Variants in CHST12 observed in about 807,000 individuals in gnomAD.
CHST12 encodes carbohydrate (chondroitin 4) sulfotransferase 12.
CHST12 carries 23 observed loss-of-function variants against 27.9 expected under a neutral mutation model. The observed-to-expected ratio is 0.82, with a 90% CI of 0.59 to 1.17. CHST12 has a LOEUF of 1.17. Among genes scored for constraint, CHST12 ranks in the 50% most tolerant of loss-of-function variants. CHST12 has a pLI of 0.00. For missense variants in CHST12, 682 were observed against 603.0 expected (o/e 1.13, Z -1.37); for synonymous variants, 322 against 273.0 (o/e 1.18, Z -1.77).
intron 1 of CHST12, among the ~76,000 whole-genome samples, chr7:2,429,582 A>G (rs2115434241): frequency 6.6e-6 from 1 of 152,270 alleles, no homozygotes; most frequent in Middle Eastern, 3.4e-3. Context: ...TTTAATTAGT[A>G]TAGGATTATT....
chr7:2,437,042 C>T lies in CHST12; in HGVS notation c.*3158C>T, dbSNP rs1782491298. 1 of 152,244 alleles carries T rather than the reference C, an allele frequency of 6.6e-6. No homozygotes were observed. Among genetic ancestry groups the T allele is most frequent in the Admixed American group, 6.5e-5 (1 of 15,290 alleles). 9.4% of individuals were successfully genotyped at this position (152,244 alleles called of 1,614,324 possible). On this transcript the variant is annotated 3_prime_UTR_variant, in exon 2 of 2. Coordinates refer to ENST00000618655, the MANE Select transcript of CHST12 (RefSeq NM_018641.5). ...TTGCCTGATGCGCAGCACCACACTG[C>T]GTAGAGACCTTTGGCTCTGGTTTTT...
chr7:2,439,680 C>A lies in CHST12; in HGVS notation c.*5796C>A, dbSNP rs1326214290. ...GGATCACGAGGTCAGGAGATCAAGA[C>A]CATCCTGGATAACATGGTGAAACCC... On this transcript the variant is annotated 3_prime_UTR_variant, in exon 2 of 2. Transcript: ENST00000618655. 1 of 151,906 alleles carries A rather than the reference C, an allele frequency of 6.6e-6. No individual in the cohort carries two copies. Among genetic ancestry groups the A allele is most frequent in the Non-Finnish European group, 1.5e-5 (1 of 68,034 alleles). The allele number at this position is 151,906 out of a possible 1,614,324, so 9.4% of individuals were successfully genotyped here.
rs896663348 is a variant in CHST12 at position 2,448,022 on chromosome 7, C to T, written c.*14138C>T. The T allele has an allele frequency of 6.6e-6, 1 of 152,102 alleles. No homozygotes were observed. Among genetic ancestry groups the T allele is most frequent in the African/African-American group, 2.4e-5 (1 of 41,406 alleles). The allele number at this position is 152,102 out of a possible 1,614,324, so 9.4% of individuals were successfully genotyped here. Reference sequence around the variant, plus strand: ...AGCTGGGACTATAGGCACACACCACCATGCCCGGCTAATTTTTCTCTTTTT... The same window carrying T: ...AGCTGGGACTATAGGCACACACCACTATGCCCGGCTAATTTTTCTCTTTTT... On this transcript the variant is annotated 3_prime_UTR_variant, in exon 2 of 2. Transcript: ENST00000618655.
rs1270476319 is a variant in CHST12 at position 2,447,599 on chromosome 7, A to C, written c.*13715A>C. 1.3e-5 allele frequency: 2 copies of C among 152,066 alleles called. No individual in the cohort carries two copies. The highest frequency in any genetic ancestry group is 4.8e-5 in the African/African-American group (2 of 41,342). 9.4% of individuals were successfully genotyped at this position (152,066 alleles called of 1,614,324 possible). On this transcript the variant is annotated 3_prime_UTR_variant, in exon 2 of 2. Transcript: ENST00000618655. ...GCGATTTTCATGCCTCAGCTTCCCG[A>C]GTAGCTGGGATTACAGGCATGTGCC... is the stretch of plus-strand genomic sequence containing the variant.
intron 1 of CHST12, chr7:2,404,253 G>GC (rs1326753793): frequency 6.6e-6 from 1 of 152,330 alleles, no homozygotes; most frequent in Non-Finnish European, 1.5e-5. Context: ...AGAAGCCGCA[G>GC]CCCTGCCCCT....
At chr7:2,421,759 A>G (rs1036139395) in intron 1 of CHST12, among the ~76,000 whole-genome samples, 2 of 151,292 alleles carry the variant, frequency 1.3e-5, no homozygotes, top group African/African-American at 4.9e-5. Context: ...TTTTATAGAG[A>G]TAGGGTCTTG....
intron 1 of CHST12, among the ~76,000 whole-genome samples, chr7:2,425,708 C>G (rs937002004): frequency 7.4e-6 from 1 of 134,860 alleles, no homozygotes. Context: ...TTTTTTTTGT[C>G]TTTTGTCAAG....
rs963004865 is a variant in CHST12 at position 2,440,604 on chromosome 7, C to A, written c.*6720C>A. 6.6e-6 allele frequency: 1 copy of A among 152,090 alleles called. No individual in the cohort carries two copies. Among genetic ancestry groups the A allele is most frequent in the Non-Finnish European group, 1.5e-5 (1 of 68,062 alleles). The allele number at this position is 152,090 out of a possible 1,614,324, so 9.4% of individuals were successfully genotyped here. ...GAGAAGACAGAGTGGGCCTGTAGGG[C>A]CAGCCCGAGGTACCCACAGTGGAGG... is the stretch of plus-strand genomic sequence containing the variant. On this transcript the variant is annotated 3_prime_UTR_variant, in exon 2 of 2. Coordinates refer to ENST00000618655, the MANE Select transcript of CHST12 (RefSeq NM_018641.5).
Position 2,433,193 on chromosome 7 carries a change from T to C in CHST12, c.554T>C (p.Leu185Pro), listed in dbSNP as rs779187721. ...AACTGGAAGCGCGTGATGATCGTGC[T>C]GAGCGGAAGCCTGCTGCACCGCGGT... ...CTNWKRVMIV[L>P]SGSLLHRGAP... The change falls in exon 2 of 2, where the codon CTG becomes CCG. Residue 185 changes from leucine to proline, a missense_variant. By Grantham distance (98) the Leu-to-Pro change is moderately conservative. Coordinates refer to ENST00000618655, the MANE Select transcript of CHST12 (RefSeq NM_018641.5). The surrounding 1 kb of genome is among the most constrained non-coding windows in gnomAD (Gnocchi z 6.1). 6.2e-7 allele frequency: 1 copy of C among 1,612,982 alleles called. No individual in the cohort carries two copies. The highest frequency in any genetic ancestry group is 8.5e-7 in the Non-Finnish European group (1 of 1,179,614).
At chr7:2,416,782 A>G (rs73673832) in intron 1 of CHST12, among the ~76,000 whole-genome samples, 5 of 152,360 alleles carry the variant, frequency 3.3e-5, no homozygotes, top group African/African-American at 4.8e-5. Flanking sequence ...GGAGTAGGCA[A>G]TGAGGCCAGT....
rs1782729722 is a variant in CHST12, at chr7:2,445,497, C to G, written c.*11613C>G. 6.6e-6 allele frequency: 1 copy of G among 152,286 alleles called. No homozygotes were observed. 9.4% of individuals were successfully genotyped at this position (152,286 alleles called of 1,614,324 possible). Reference sequence around the variant, plus strand: ...TTGAGACGGAATCTCACTGTGTCGCCCAGGCTCACTGCAACCTATGCCTCC... The same window carrying G: ...TTGAGACGGAATCTCACTGTGTCGCGCAGGCTCACTGCAACCTATGCCTCC... On this transcript the variant is annotated 3_prime_UTR_variant, in exon 2 of 2. Coordinates refer to ENST00000618655, the MANE Select transcript of CHST12 (RefSeq NM_018641.5).
chr7:2,427,965 C>G (rs1234314703), intron 1 of CHST12, among the ~76,000 whole-genome samples: 2 of 151,762 alleles, frequency 1.3e-5, no homozygotes, highest in Non-Finnish European at 2.9e-5. Context: ...TACAGGCACC[C>G]GTCACCATGG....
chr7:2,425,496 C>G (rs554514672), intron 1 of CHST12, among the ~76,000 whole-genome samples: 1 of 152,202 alleles, frequency 6.6e-6, no homozygotes, highest in Non-Finnish European at 1.5e-5. Context: ...GAGATAGGAT[C>G]TGGCCTCTGA....
intron 1 of CHST12, among the ~76,000 whole-genome samples, chr7:2,410,697 G>T (rs1184810525): frequency 6.6e-6 from 1 of 152,100 alleles, no homozygotes; most frequent in Non-Finnish European, 1.5e-5. Context: ...CCCCAGCTGA[G>T]GGATGGTGGT....
In CHST12 at chr7:2,442,169, T is replaced by C. The variant is rs1050030426; in HGVS notation, c.*8285T>C. The C allele has an allele frequency of 6.6e-6, 1 of 152,208 alleles. No individual in the cohort carries two copies. Among genetic ancestry groups the C allele is most frequent in the Non-Finnish European group, 1.5e-5 (1 of 68,042 alleles). The allele number at this position is 152,208 out of a possible 1,614,324, so 9.4% of individuals were successfully genotyped here. On this transcript the variant is annotated 3_prime_UTR_variant, in exon 2 of 2. Transcript: ENST00000618655. Reference sequence around the variant, plus strand: ...TGTCCTTTTGTGTCTGGCTTCTTCATGTAGTATAATGTCTTCAAGGTTCAT... The same window carrying C: ...TGTCCTTTTGTGTCTGGCTTCTTCACGTAGTATAATGTCTTCAAGGTTCAT...
chr7:2,423,791 A>G (rs1468475920), intron 1 of CHST12, among the ~76,000 whole-genome samples: 2 of 152,202 alleles, frequency 1.3e-5, no homozygotes, highest in Non-Finnish European at 2.9e-5. Flanking sequence ...CCATTGAAAA[A>G]ATGAATTAAG....
rs900042008 is a variant in CHST12, at chr7:2,436,213, G to A, written c.*2329G>A. Reference sequence around the variant, plus strand: ...GTGTGGCATTAAGCACATTCGTATTGTCGTGCCACCACCACCATCATCTCC... The same window carrying A: ...GTGTGGCATTAAGCACATTCGTATTATCGTGCCACCACCACCATCATCTCC... On this transcript the variant is annotated 3_prime_UTR_variant, in exon 2 of 2. Coordinates refer to ENST00000618655, the MANE Select transcript of CHST12 (RefSeq NM_018641.5). 2.0e-5 allele frequency: 3 copies of A among 152,174 alleles called. No homozygotes were observed. The highest frequency in any genetic ancestry group is 4.4e-5 in the Non-Finnish European group (3 of 68,030). 9.4% of individuals were successfully genotyped at this position (152,174 alleles called of 1,614,324 possible).
At chr7:2,419,491 G>A (rs940554210) in intron 1 of CHST12, among the ~76,000 whole-genome samples, 1 of 151,604 alleles carries the variant, frequency 6.6e-6, no homozygotes, top group Middle Eastern at 3.4e-3. Context: ...TGGATTCCCT[G>A]AGGTCAGGAG....
At chr7:2,405,060 A>G (rs1781487808) in intron 1 of CHST12, among the ~76,000 whole-genome samples, 1 of 152,192 alleles carries the variant, frequency 6.6e-6, no homozygotes, top group Admixed American at 6.5e-5. Flanking sequence ...GGCAAAGGGC[A>G]TGCAGAGATG....
Sources: allele counts gnomAD v4.1 joint callset (sites outside exome capture counted in the v4.1 genomes callset), GRCh38; gene constraint gnomAD v4.1.1; non-coding constraint Gnocchi (gnomAD v3.1); transcripts MANE v1.5; gene names NCBI Gene and HGNC (gene_info 2026-07-23, HGNC 2026-07-21).